KIAA1671: variants seen among roughly 807,000 people sequenced by gnomAD.
KIAA1671 encodes the protein uncharacterized protein KIAA1671.
In KIAA1671, 52 loss-of-function variants were observed where a neutral mutation model predicts 131.2. That is an observed-to-expected ratio of 0.40 (90% CI 0.32 to 0.50). The LOEUF (loss-of-function observed/expected upper bound fraction) is 0.50. Ranked by LOEUF, KIAA1671 falls within the 20% of genes least tolerant of loss-of-function variation. The pLI is 0.73. For synonymous variants in KIAA1671, 1,003 were observed against 961.6 expected (o/e 1.04, Z -0.80); for missense variants, 2,360 against 2,364.2 (o/e 1.00, Z 0.04).
In KIAA1671 at chr22:25,041,287, A is replaced by G; in HGVS notation, c.4157A>G (p.Asp1386Gly). The G allele has an allele frequency of 6.4e-7, 1 of 1,551,736 alleles. No homozygotes were observed. The highest frequency in any genetic ancestry group is 8.7e-7 in the Non-Finnish European group (1 of 1,147,002). The change falls in exon 5 of 13, where the codon GAC becomes GGC. Residue 1386 changes from aspartate to glycine, a missense_variant. Asp to Gly is a moderately conservative substitution (Grantham distance 94, BLOSUM62 -1). Transcript: ENST00000358431. Reference sequence around the variant, plus strand: ...AAATCCACCGGGCGGGGAGAGGAGGACAGTGTGGCCCAGTGGGGTGACCAC... The same window carrying G: ...AAATCCACCGGGCGGGGAGAGGAGGGCAGTGTGGCCCAGTGGGGTGACCAC... The part of the protein sequence containing the change: ...PRKSTGRGEE[D>G]SVAQWGDHPR...
At chr22:25,081,045 G>A (rs1317084578) in intron 6 of KIAA1671, among the ~76,000 whole-genome samples, 1 of 152,134 alleles carries the variant, frequency 6.6e-6, no homozygotes, top group Non-Finnish European at 1.5e-5. Flanking sequence ...GCAGTTAGAA[G>A]GGGCATGCCA....
intron 1 of KIAA1671, among the ~76,000 whole-genome samples, chr22:24,978,669 T>A (rs554681533): frequency 1.3e-5 from 2 of 151,920 alleles, no homozygotes; most frequent in South Asian, 4.1e-4. Flanking sequence ...CAGTTTACCA[T>A]CTTAATCTTT....
At chr22:25,035,824 A>G (rs1437982337) in intron 4 of KIAA1671, among the ~76,000 whole-genome samples, 8 of 152,314 alleles carry the variant, frequency 5.3e-5, no homozygotes, top group African/African-American at 1.9e-4. Context: ...TAGTTAAGAA[A>G]TAAACCCTTG....
intron 6 of KIAA1671, among the ~76,000 whole-genome samples, chr22:25,079,379 G>A (rs1266326306): frequency 4.6e-5 from 7 of 152,020 alleles, no homozygotes; most frequent in African/African-American, 1.4e-4. Context: ...ATAGGGGCCC[G>A]GCCAGAATTA....
At chr22:25,044,221 CAG>C (rs1927101096) in intron 5 of KIAA1671, among the ~76,000 whole-genome samples, 2 of 152,178 alleles carry the variant, frequency 1.3e-5, no homozygotes, top group African/African-American at 2.4e-5. Context: ...GTTGCCATGC[CAG>C]AGTTAACAGG....
intron 6 of KIAA1671, among the ~76,000 whole-genome samples, chr22:25,135,168 C>T (rs1932618248): frequency 6.6e-6 from 1 of 152,034 alleles, no homozygotes; most frequent in Admixed American, 6.6e-5. Context: ...AGTGGCTTTC[C>T]CTGCATGGAT....
intron 5 of KIAA1671, among the ~76,000 whole-genome samples, chr22:25,042,859 C>T (rs888325202): frequency 1.3e-5 from 2 of 152,048 alleles, no homozygotes; most frequent in African/African-American, 4.8e-5. Flanking sequence ...CCATGGTTGG[C>T]CACAGAGGCA....
chr22:25,132,916 G>A (rs372998601), intron 6 of KIAA1671, among the ~76,000 whole-genome samples: 35 of 152,056 alleles, frequency 2.3e-4, no homozygotes, highest in Admixed American at 5.9e-4. Context: ...TTAGCGGGGC[G>A]TGGTGGCAGG....
chr22:24,990,456 C>A (rs182717528), intron 1 of KIAA1671, among the ~76,000 whole-genome samples: 1 of 152,340 alleles, frequency 6.6e-6, no homozygotes, highest in East Asian at 1.9e-4. Context: ...ATATATCTCA[C>A]ACCCACCCTA....
At position 25,039,045 on chromosome 22, in the gene KIAA1671, G is replaced by A. The variant is rs202182154; in HGVS notation, c.1915G>A (p.Asp639Asn). ...GRCLSTTPPG[D>N]MAHARVSEPR... ...TTGTCTCTCCACCACACCCCCTGGT[G>A]ACATGGCCCATGCCCGTGTCTCAGA... Residue 639 changes from aspartate to asparagine, a missense_variant, in exon 5 of 13, where the codon GAC (aspartate) becomes AAC (asparagine). Around this residue, in one of 3 missense-constraint regions of KIAA1671, gnomAD observed 1,185 missense variants for 1,126.2 expected, o/e 1.05. Coordinates refer to ENST00000358431, the MANE Select transcript of KIAA1671 (RefSeq NM_001145206.2). 1.9e-4 allele frequency: 292 copies of A among 1,551,730 alleles called. No homozygotes were observed. The highest frequency in any genetic ancestry group is 5.1e-4 in the Admixed American group (26 of 51,014).
chr22:25,128,926 C>G (rs926175626), intron 6 of KIAA1671, among the ~76,000 whole-genome samples: 2 of 152,192 alleles, frequency 1.3e-5, no homozygotes, highest in African/African-American at 4.8e-5. Flanking sequence ...CTGCTGTGTG[C>G]CAGCTGCAGT....
chr22:25,175,857 AATT>A (rs1934006086), intron 8 of KIAA1671: 1 of 152,156 alleles, frequency 6.6e-6, no homozygotes, highest in Non-Finnish European at 1.5e-5. Context: ...CGCTTACTGA[AATT>A]ATACTGCGGT....
rs189940743 is a variant in KIAA1671, at chr22:25,001,710, C to T, written c.-207-23923C>T. 7.2e-5 allele frequency among the ~76,000 whole-genome samples: 11 copies of T among 152,230 alleles called. No individual in the cohort carries two copies. In the East Asian group the frequency reaches 1.5e-3, roughly 21 times the overall value. ...TTTTAAAAAATGCTAACTCACGAGT[C>T]CCTGGACCAGACCATCTTGCCAGGC... On this transcript the variant is annotated intron_variant, in intron 1 of 12. Transcript: ENST00000358431.
chr22:25,041,031 C>T lies in KIAA1671; in HGVS notation c.3901C>T (p.Pro1301Ser). 6.7e-7 allele frequency: 1 copy of T among 1,496,420 alleles called. No homozygotes were observed. The highest frequency in any genetic ancestry group is 8.9e-7 in the Non-Finnish European group (1 of 1,121,812). The allele number at this position is 1,496,420 out of a possible 1,614,324, so 92.7% of individuals were successfully genotyped here. A position where few individuals can be genotyped will look rare whatever the true frequency, so the allele number is the denominator to read the frequency against. ...TAGCCCTCCCTTCTGGGCTCTGCCA[C>T]CCTCGGCTCCTTCTGAAAGGTATCC... Reference protein sequence around the residue: ...KSSPPFWALPPSAPSERYPGG... With the variant: ...KSSPPFWALPSSAPSERYPGG... Residue 1301 changes from proline (P) to serine (S), a missense_variant, in exon 5 of 13, where the codon CCC (proline) becomes TCC (serine). This residue lies in a region of KIAA1671 where 1,161 missense variants were observed against 1,204.7 expected (regional missense o/e 0.96). Transcript: ENST00000358431.
chr22:25,185,012 T>C lies in KIAA1671; in HGVS notation c.5235T>C (p.Pro1745=), dbSNP rs1934423994. The part of the protein sequence containing the change: ...QLHKRPEVDS[P]GETPSWAPQP... ...ACAAGAGGCCAGAGGTGGACAGTCCTGGCGAGACCCCCAGCTGGGCACCCC... is the reference window on the plus strand; with the variant it reads ...ACAAGAGGCCAGAGGTGGACAGTCCCGGCGAGACCCCCAGCTGGGCACCCC... The change falls in exon 11 of 13, where the codon CCT becomes CCC. Residue 1745 remains proline (P), a synonymous_variant. Coordinates refer to ENST00000358431, the MANE Select transcript of KIAA1671 (RefSeq NM_001145206.2). The C allele has an allele frequency of 6.4e-7, 1 of 1,551,648 alleles. No homozygotes were observed.
Position 25,028,518 on chromosome 22 carries a change from C to T in KIAA1671, c.519C>T (p.Gly173=), listed in dbSNP as rs1182723359. The change falls in exon 3 of 13, where the codon GGC becomes GGT. Residue 173 remains glycine, a synonymous_variant. Transcript: ENST00000358431. Reference sequence around the variant, plus strand: ...AGGAGGCCAAGCTAGGTGTGTCCGGCTCCCGGCCTGAGGTGGCTGCCAAGC... The same window carrying T: ...AGGAGGCCAAGCTAGGTGTGTCCGGTTCCCGGCCTGAGGTGGCTGCCAAGC... The part of the protein sequence containing the change: ...GAEEAKLGVS[G]SRPEVAAKPA... 5.2e-6 allele frequency: 8 copies of T among 1,549,154 alleles called. No individual in the cohort carries two copies. The highest frequency in any genetic ancestry group is 7.0e-6 in the Non-Finnish European group (8 of 1,146,172).
chr22:24,996,352 C>G (rs930761884), intron 1 of KIAA1671, among the ~76,000 whole-genome samples: 1 of 151,998 alleles, frequency 6.6e-6, no homozygotes, highest in Non-Finnish European at 1.5e-5. Context: ...AGACCCTCCC[C>G]ACATGTGCAC....
At chr22:25,159,513 G>C (rs1933364665) in intron 6 of KIAA1671, among the ~76,000 whole-genome samples, 2 of 152,152 alleles carry the variant, frequency 1.3e-5, no homozygotes, top group Non-Finnish European at 2.9e-5. Context: ...GAACCTGTTA[G>C]CACCTTGTCA....
chr22:25,068,639 T>G (rs1383638152), intron 6 of KIAA1671, among the ~76,000 whole-genome samples: 1 of 152,200 alleles, frequency 6.6e-6, no homozygotes, highest in Non-Finnish European at 1.5e-5. Context: ...GGTTTCACCG[T>G]GTTAGCCAGG....
Sources: gnomAD v4.1 joint callset for allele counts (sites outside exome capture counted in the v4.1 genomes callset) on GRCh38, gnomAD v4.1.1 for gene constraint, gnomAD v4.1.1 regional missense constraint, MANE v1.5 for transcripts, NCBI Gene and HGNC (gene_info 2026-07-23, HGNC 2026-07-21) for gene names.